The following MGAT4C variants were observed in gnomAD, a reference collection of about 807,000 sequenced individuals.
MGAT4C encodes MGAT4 family member C, also known as alpha-1,3-mannosyl-glycoprotein 4-beta-N-acetylglucosaminyltransferase C.
MGAT4C carries 19 observed loss-of-function variants against 40.1 expected under a neutral mutation model. The ratio of observed to expected loss-of-function variants is 0.47; its 90% CI spans 0.33 to 0.70. The LOEUF (loss-of-function observed/expected upper bound fraction) is 0.70, where lower values mean the gene tolerates loss of function less well. Among genes scored for constraint, MGAT4C ranks in the 30% least tolerant of loss-of-function variants. The pLI, the probability that MGAT4C is intolerant of heterozygous loss-of-function variation, is 0.02. For synonymous variants in MGAT4C, 181 were observed against 187.1 expected (o/e 0.97, Z 0.27); for missense variants, 491 against 563.2 (o/e 0.87, Z 1.30).
At position 86,328,484 on chromosome 12, in the gene MGAT4C, A is replaced by G. The variant is rs550592284; in HGVS notation, c.-57+5581T>C. The stretch of plus-strand genomic sequence containing the variant: ...TAAGTAAATTTAGCAAAGTCATAGG[A>G]TTCAAGGTCAGTATAAAAATTAATT... On this transcript the variant is annotated intron_variant, in intron 4 of 7. Transcript: ENST00000548651. 2.0e-5 allele frequency among the ~76,000 whole-genome samples: 3 copies of G among 152,308 alleles called. No individual in the cohort carries two copies. The South Asian group carries it at 6.2e-4, about 32-fold the overall frequency.
rs12319584 is a variant in MGAT4C, at chr12:86,366,769, A to G, written c.-119-32642T>C. 2.1e-3 allele frequency among the ~76,000 whole-genome samples: 314 copies of G among 152,272 alleles called. 2 individuals are homozygous for G. The highest frequency in any genetic ancestry group is 7.3e-3 in the African/African-American group (303 of 41,548). ...AATTAGCACATTAGATCCAGCAATA[A>G]TCCAGTAATGCAAAGATAATTCACT... On this transcript the variant is annotated intron_variant, in intron 3 of 7. Coordinates refer to the MGAT4C transcript ENST00000548651.
chr12:86,694,605 T>C (rs771401811), intron 2 of MGAT4C, among the ~76,000 whole-genome samples: 1 of 152,198 alleles, frequency 6.6e-6, no homozygotes, highest in Non-Finnish European at 1.5e-5. Context: ...AATAAAAATA[T>C]GTCATGTCAG....
intron 1 of MGAT4C, among the ~76,000 whole-genome samples, chr12:86,158,411 G>A (rs1349614455): frequency 1.3e-5 from 2 of 152,100 alleles, no homozygotes; most frequent in African/African-American, 4.8e-5. Context: ...GAATTTGGCT[G>A]CTCTAAACTA....
intron 2 of MGAT4C, among the ~76,000 whole-genome samples, chr12:86,714,066 C>T (rs1482298847): frequency 6.6e-6 from 1 of 152,056 alleles, no homozygotes; most frequent in Non-Finnish European, 1.5e-5. Context: ...ATCATCTTAA[C>T]AAAAATTTAA....
intron 2 of MGAT4C, among the ~76,000 whole-genome samples, chr12:86,453,265 T>C (rs1957457240): frequency 6.6e-6 from 1 of 152,048 alleles, no homozygotes; most frequent in Admixed American, 6.6e-5. Flanking sequence ...ATAACTACCA[T>C]TACAATGTCA....
chr12:86,190,806 C>T (rs1566117165), intron 1 of MGAT4C, among the ~76,000 whole-genome samples: 1 of 151,906 alleles, frequency 6.6e-6, no homozygotes, highest in African/African-American at 2.4e-5. Flanking sequence ...TCTACCTTAA[C>T]ATTTATTTTA....
intron 2 of MGAT4C, among the ~76,000 whole-genome samples, chr12:85,990,981 C>G (rs1437465012): frequency 6.6e-6 from 1 of 152,126 alleles, no homozygotes. Context: ...GATCAGAAAC[C>G]TCTGTGACTG....
At position 85,971,100 on chromosome 12, in the gene MGAT4C, C is replaced by T. The variant is rs977736192; in HGVS notation, c.*8189G>A. The T allele has an allele frequency of 6.6e-6, 1 of 150,844 alleles. No homozygotes were observed. Among genetic ancestry groups the T allele is most frequent in the African/African-American group, 2.4e-5 (1 of 41,224 alleles). 9.3% of individuals were successfully genotyped at this position (150,844 alleles called of 1,614,324 possible). On this transcript the variant is annotated 3_prime_UTR_variant, in exon 5 of 5. Coordinates refer to ENST00000611864, the MANE Select transcript of MGAT4C (RefSeq NM_001351288.2). ...TCAGAAGAATGTTGAAAAATTAGTG[C>T]ATTTATAATAAATTTAATTATTCAT...
At chr12:86,283,367 T>C (rs917988580) in intron 4 of MGAT4C, among the ~76,000 whole-genome samples, 1 of 151,942 alleles carries the variant, frequency 6.6e-6, no homozygotes, top group African/African-American at 2.4e-5. Context: ...TGGACATAAG[T>C]GGAAATTATA....
chr12:86,657,770 T>G (rs1488097241), intron 2 of MGAT4C, among the ~76,000 whole-genome samples: 1 of 151,964 alleles, frequency 6.6e-6, no homozygotes, highest in Non-Finnish European at 1.5e-5. Context: ...CTTAGAAGCA[T>G]TCTAATGCTT....
chr12:86,584,816 C>G (rs1437421623), intron 2 of MGAT4C, among the ~76,000 whole-genome samples: 1 of 151,346 alleles, frequency 6.6e-6, no homozygotes, highest in Admixed American at 6.6e-5. Flanking sequence ...AAATAGATTT[C>G]ATTATTTCAA....
At chr12:86,633,476 A>G (rs995603243) in intron 2 of MGAT4C, among the ~76,000 whole-genome samples, 6 of 152,126 alleles carry the variant, frequency 3.9e-5, no homozygotes, top group Non-Finnish European at 7.4e-5. Context: ...AGGCCATAGT[A>G]AGAGACTGTG....
At chr12:86,376,529 C>T (rs1333768121) in intron 3 of MGAT4C, among the ~76,000 whole-genome samples, 1 of 151,786 alleles carries the variant, frequency 6.6e-6, no homozygotes, top group Non-Finnish European at 1.5e-5. Flanking sequence ...TATTAGAATC[C>T]CAATGAATAT....
intron 2 of MGAT4C, among the ~76,000 whole-genome samples, chr12:86,700,389 C>T (rs775023095): frequency 1.9e-4 from 29 of 151,922 alleles, no homozygotes; most frequent in Non-Finnish European, 3.5e-4. Context: ...TGAAATTGTT[C>T]ACAAATATTA....
At chr12:86,277,360 A>G (rs1484064573) in intron 4 of MGAT4C, among the ~76,000 whole-genome samples, 1 of 151,950 alleles carries the variant, frequency 6.6e-6, no homozygotes, top group Non-Finnish European at 1.5e-5. Context: ...CACTTTGCTG[A>G]TTATTTTGTT....
intron 4 of MGAT4C, among the ~76,000 whole-genome samples, chr12:86,289,058 A>G (rs1175926345): frequency 6.6e-6 from 1 of 152,056 alleles, no homozygotes; most frequent in Non-Finnish European, 1.5e-5. Context: ...TTGTATTGAA[A>G]TCATTAATCC....
intron 1 of MGAT4C, among the ~76,000 whole-genome samples, chr12:86,082,633 A>C (rs1477701420): frequency 2.0e-5 from 3 of 152,138 alleles, no homozygotes; most frequent in Admixed American, 2.0e-4. Context: ...AAAATGATCC[A>C]ACAGAAAGTC....
At chr12:86,323,276 T>A (rs949743343) in intron 4 of MGAT4C, among the ~76,000 whole-genome samples, 14 of 151,792 alleles carry the variant, frequency 9.2e-5, no homozygotes, top group African/African-American at 2.9e-4. Context: ...AAGTGTTTAG[T>A]TAATATCACA....
At chr12:86,038,564 A>ATTTATTTATTTT (rs1283998203) in intron 2 of MGAT4C, among the ~76,000 whole-genome samples, 5 of 146,404 alleles carry the variant, frequency 3.4e-5, no homozygotes, top group African/African-American at 1.0e-4. Flanking sequence ...TTATTTATTT[A>ATTTATTTATTTT]TTTTTTTGCT....
Sources: allele counts gnomAD v4.1 joint callset (sites outside exome capture counted in the v4.1 genomes callset), GRCh38; gene constraint gnomAD v4.1.1; transcripts MANE v1.5; gene names NCBI Gene and HGNC (gene_info 2026-07-23, HGNC 2026-07-21).